FNDC3B: variants seen among roughly 807,000 people sequenced by gnomAD.
FNDC3B encodes fibronectin type III domain containing 3B, also known as fibronectin type III domain-containing protein 3B.
A neutral mutation model predicts 151.5 loss-of-function variants in FNDC3B; 12 were observed. The observed-to-expected ratio is 0.08, with a 90% CI of 0.05 to 0.13. FNDC3B has a LOEUF of 0.13. FNDC3B is among the 10% of genes least tolerant of loss of function. The pLI, the probability that FNDC3B is intolerant of heterozygous loss-of-function variation, is 1.00. For synonymous variants in FNDC3B, 528 were observed against 549.0 expected (o/e 0.96, Z 0.54); for missense variants, 1,214 against 1,505.3 (o/e 0.81, Z 3.20).
At chr3:172,089,002 C>T (rs989344029) in intron 1 of FNDC3B, among the ~76,000 whole-genome samples, 3 of 152,064 alleles carry the variant, frequency 2.0e-5, no homozygotes, top group East Asian at 1.9e-4. Flanking sequence ...TAGCTTTCTA[C>T]GGGACAAAAA....
At chr3:172,281,576 T>G (rs1195767232) in intron 6 of FNDC3B, among the ~76,000 whole-genome samples, 2 of 152,236 alleles carry the variant, frequency 1.3e-5, no homozygotes, top group African/African-American at 4.8e-5. Context: ...AGGGTTTGCT[T>G]ACATGATTTT....
chr3:172,210,015 ACAGGGAGAGGCCAGC>A (rs1353987761), intron 3 of FNDC3B, among the ~76,000 whole-genome samples: 1 of 152,186 alleles, frequency 6.6e-6, no homozygotes, highest in African/African-American at 2.4e-5. Context: ...GGTGCCAGGG[ACAGGGAGAGGCCAGC>A]CAGGGAGTGG....
chr3:172,287,896 G>C (rs1177425697), intron 7 of FNDC3B, among the ~76,000 whole-genome samples: 2 of 152,224 alleles, frequency 1.3e-5, no homozygotes, highest in African/African-American at 4.8e-5. Context: ...AATAGGGTAA[G>C]AGCGTCATCT....
At chr3:172,383,395 A>G (rs1294720897) in intron 25 of FNDC3B, among the ~76,000 whole-genome samples, 1 of 152,204 alleles carries the variant, frequency 6.6e-6, no homozygotes, top group East Asian at 1.9e-4. Context: ...TAAACGTACA[A>G]TCATGTCATC....
rs374470837 is a variant in FNDC3B at position 172,367,681 on chromosome 3, C to G, written c.3008+4836C>G. Among the ~76,000 whole-genome samples the G allele has an allele frequency of 5.9e-5, 9 of 152,320 alleles. No individual in the cohort carries two copies. In the East Asian group the frequency reaches 1.3e-3, roughly 23 times the overall value. On this transcript the variant is annotated intron_variant, in intron 23 of 25. Transcript: ENST00000415807. Reference sequence around the variant, plus strand: ...AAATGTTATGCTGCCCTAACAGAATCGGAGTTGATGCTGCTTCCTGTCCTG... The same window carrying G: ...AAATGTTATGCTGCCCTAACAGAATGGGAGTTGATGCTGCTTCCTGTCCTG...
chr3:172,245,425 A>C (rs576912884), intron 4 of FNDC3B, among the ~76,000 whole-genome samples: 2 of 152,304 alleles, frequency 1.3e-5, no homozygotes, highest in African/African-American at 4.8e-5. Context: ...GGATTGAATG[A>C]AGGTTCCATG....
chr3:172,298,412 G>A (rs138046937), intron 8 of FNDC3B, among the ~76,000 whole-genome samples: 19 of 152,180 alleles, frequency 1.2e-4, no homozygotes, highest in African/African-American at 4.6e-4. Context: ...TTATTCATTT[G>A]TTTGTTCATT....
At chr3:172,042,337 G>A (rs1716128063) in intron 1 of FNDC3B, among the ~76,000 whole-genome samples, 1 of 152,210 alleles carries the variant, frequency 6.6e-6, no homozygotes, top group Non-Finnish European at 1.5e-5. Context: ...CTAGGTAGCA[G>A]TTCACTCAGT....
intron 11 of FNDC3B, among the ~76,000 whole-genome samples, chr3:172,324,719 A>G (rs967665790): frequency 6.6e-6 from 1 of 152,242 alleles, no homozygotes; most frequent in Non-Finnish European, 1.5e-5. Context: ...AAGTTAGGCC[A>G]GAACTGGCTG....
intron 9 of FNDC3B, chr3:172,302,366 G>A (rs16845310): frequency 0.23 from 35,613 of 152,152 alleles, 4,295 homozygotes; most frequent in East Asian, 0.33. Flanking sequence ...CTGTTACTGG[G>A]AATATATTGA....
chr3:172,355,127 G>A (rs1734032849), intron 22 of FNDC3B, among the ~76,000 whole-genome samples: 1 of 152,040 alleles, frequency 6.6e-6, no homozygotes, highest in Admixed American at 6.6e-5. Context: ...TTATAATTGA[G>A]TTAGAAATTG....
At chr3:172,295,611 A>G in intron 8 of FNDC3B, 97 bp downstream of exon 8, 2 of 1,129,932 alleles carry the variant, frequency 1.8e-6, no homozygotes, top group Non-Finnish European at 2.5e-6. Flanking sequence ...TAGGCTTGGC[A>G]AATTTTCCTT....
At chr3:172,197,062 T>C (rs966528973) in intron 3 of FNDC3B, among the ~76,000 whole-genome samples, 1 of 151,986 alleles carries the variant, frequency 6.6e-6, no homozygotes, top group African/African-American at 2.4e-5. Flanking sequence ...GTGCCTGTGG[T>C]CCCAGCTACT....
intron 1 of FNDC3B, among the ~76,000 whole-genome samples, chr3:172,049,194 C>A (rs1214655585): frequency 6.6e-6 from 1 of 152,100 alleles, no homozygotes; most frequent in African/African-American, 2.4e-5. Flanking sequence ...TCTTTACTCC[C>A]CCTTGGTCTG....
chr3:172,205,100 T>G (rs1313574249), intron 3 of FNDC3B, among the ~76,000 whole-genome samples: 1 of 152,204 alleles, frequency 6.6e-6, no homozygotes, highest in Non-Finnish European at 1.5e-5. Flanking sequence ...AACTCAGTAT[T>G]TATTTGCCTA....
Position 172,344,190 on chromosome 3 carries a change from T to G in FNDC3B, c.2182T>G (p.Cys728Gly), listed in dbSNP as rs1011810087. ...AGTGTACCATGGCCCAGAGCTGGAG[T>G]GCACCGTCGGCAACCTGCTTCCTGG... is the stretch of plus-strand genomic sequence containing the variant. Reference protein sequence around the residue: ...SEVYHGPELECTVGNLLPGTV... With the variant: ...SEVYHGPELEGTVGNLLPGTV... Residue 728 changes from cysteine (C) to glycine (G), a missense_variant, in exon 19 of 26, where the codon TGC becomes GGC. Around this residue, in one of 7 missense-constraint regions of FNDC3B, gnomAD observed 380 missense variants for 420.9 expected, o/e 0.90. Coordinates refer to ENST00000415807, the MANE Select transcript of FNDC3B (RefSeq NM_022763.4). 1 of 1,613,912 alleles carries G rather than the reference T, an allele frequency of 6.2e-7. No homozygotes were observed. The highest frequency in any genetic ancestry group is 8.5e-7 in the Non-Finnish European group (1 of 1,179,942).
In FNDC3B at chr3:172,058,553, A is replaced by G. The variant is rs188850018; in HGVS notation, c.-29+18782A>G. Among the ~76,000 whole-genome samples, 11 of 148,520 alleles carry G rather than the reference A, an allele frequency of 7.4e-5. No homozygotes were observed. The East Asian group carries it at 2.2e-3, about 30-fold the overall frequency. On this transcript the variant is annotated intron_variant, in intron 1 of 25. Coordinates refer to ENST00000415807, the MANE Select transcript of FNDC3B (RefSeq NM_022763.4). ...GCTATTTTGATATATTATTTGGTTT[A>G]TTGGGATGTTCTATTACAGATCCTC...
chr3:172,354,373 TCATA>T (rs1347657272), intron 22 of FNDC3B, among the ~76,000 whole-genome samples: 1 of 151,908 alleles, frequency 6.6e-6, no homozygotes, highest in African/African-American at 2.4e-5. Flanking sequence ...TATCATGAAA[TCATA>T]AACTAAATAT....
chr3:172,355,826 T>G (rs991604159), intron 22 of FNDC3B, among the ~76,000 whole-genome samples: 16 of 152,200 alleles, frequency 1.1e-4, no homozygotes, highest in African/African-American at 3.4e-4. Flanking sequence ...TTTAAATGTT[T>G]TCAGGTTTTT....
Sources: gnomAD v4.1 joint callset for allele counts (sites outside exome capture counted in the v4.1 genomes callset) on GRCh38, gnomAD v4.1.1 for gene constraint, gnomAD v4.1.1 regional missense constraint, MANE v1.5 for transcripts, NCBI Gene and HGNC (gene_info 2026-07-23, HGNC 2026-07-21) for gene names.